PRMT3: variants seen among roughly 807,000 people sequenced by gnomAD.
The protein encoded by PRMT3 is protein arginine N-methyltransferase 3.
A neutral mutation model predicts 71.9 loss-of-function variants in PRMT3; 62 were observed. That is an observed-to-expected ratio of 0.86 (90% CI 0.70 to 1.07). The LOEUF (loss-of-function observed/expected upper bound fraction) is 1.07, where lower values mean the gene tolerates loss of function less well. PRMT3 is among the 50% of genes least tolerant of loss of function. The pLI is 0.00. For missense variants in PRMT3, 663 were observed against 643.0 expected (o/e 1.03, Z -0.34); for synonymous variants, 213 against 220.4 (o/e 0.97, Z 0.30).
intron 13 of PRMT3, among the ~76,000 whole-genome samples, chr11:20,486,815 G>A (rs737184): frequency 3.3e-5 from 5 of 152,164 alleles, no homozygotes; most frequent in East Asian, 1.9e-4. Context: ...CCAGCACTTC[G>A]GCAGGGCGAA....
chr11:20,490,745 A>G (rs1851186258), intron 13 of PRMT3, among the ~76,000 whole-genome samples: 1 of 152,202 alleles, frequency 6.6e-6, no homozygotes, highest in Non-Finnish European at 1.5e-5. Context: ...ATGAGTTTAA[A>G]ACAATTTTAA....
intron 9 of PRMT3, among the ~76,000 whole-genome samples, chr11:20,422,730 G>A (rs1849454916): frequency 6.6e-6 from 1 of 152,104 alleles, no homozygotes; most frequent in Non-Finnish European, 1.5e-5. Flanking sequence ...CTGCAAGAGA[G>A]TCCTGCACAC....
chr11:20,474,208 G>A (rs1850722747), intron 13 of PRMT3, among the ~76,000 whole-genome samples: 1 of 152,182 alleles, frequency 6.6e-6, no homozygotes, highest in Admixed American at 6.5e-5. Context: ...CTCCTTTTTG[G>A]TAGTGAAGCT....
intron 12 of PRMT3, 107 bp from the exon 13 acceptor site, chr11:20,464,353 T>C: frequency 7.1e-7 from 1 of 1,402,956 alleles, no homozygotes. Context: ...TAATCATTTG[T>C]GCATAAAAGA....
At chr11:20,442,930 C>T (rs1215326637) in intron 10 of PRMT3, among the ~76,000 whole-genome samples, 1 of 152,050 alleles carries the variant, frequency 6.6e-6, no homozygotes, top group Admixed American at 6.6e-5. Flanking sequence ...GGCATGATGG[C>T]TTATACCTGT....
At chr11:20,396,085 C>T (rs992883678) in intron 6 of PRMT3, 123 bp downstream of exon 6, 2 of 851,068 alleles carry the variant, frequency 2.3e-6, no homozygotes, top group Non-Finnish European at 3.5e-6. Flanking sequence ...ATTTTATCTT[C>T]ATACTGTTAA....
At chr11:20,502,124 C>T (rs995906374) in intron 15 of PRMT3, among the ~76,000 whole-genome samples, 3 of 152,282 alleles carry the variant, frequency 2.0e-5, no homozygotes, top group East Asian at 1.9e-4. Flanking sequence ...TACTAACAGC[C>T]GTCTGCTGAT....
At chr11:20,441,263 T>TTTTTTTTA (rs1286811672) in intron 10 of PRMT3, among the ~76,000 whole-genome samples, 1 of 138,126 alleles carries the variant, frequency 7.2e-6, no homozygotes, top group Non-Finnish European at 1.6e-5. Context: ...GTTACTAACT[T>TTTTTTTTA]TTTATTTATT....
chr11:20,432,230 C>G (rs1849669452), intron 10 of PRMT3, among the ~76,000 whole-genome samples: 1 of 152,024 alleles, frequency 6.6e-6, no homozygotes, highest in Non-Finnish European at 1.5e-5. Flanking sequence ...CAGGTAATCC[C>G]TCAGAGAACA....
intron 15 of PRMT3, among the ~76,000 whole-genome samples, chr11:20,500,614 G>C (rs1019079095): frequency 6.6e-6 from 1 of 152,096 alleles, no homozygotes; most frequent in African/African-American, 2.4e-5. Context: ...TTTACAAAGG[G>C]GCAGTGTTGA....
At chr11:20,392,038 T>C (rs1848726409) in intron 3 of PRMT3, among the ~76,000 whole-genome samples, 173 bp from the exon 4 acceptor site, 1 of 152,236 alleles carries the variant, frequency 6.6e-6, no homozygotes, top group South Asian at 2.1e-4. Flanking sequence ...TCTCAAGATA[T>C]TCAGAAGTAT....
chr11:20,471,297 A>G (rs1322845379), intron 13 of PRMT3, among the ~76,000 whole-genome samples: 4 of 152,096 alleles, frequency 2.6e-5, no homozygotes, highest in Non-Finnish European at 4.4e-5. Context: ...GCCCGTGCCT[A>G]TGTCCTTAGT....
chr11:20,469,040 T>C (rs1400525997), intron 13 of PRMT3, among the ~76,000 whole-genome samples: 1 of 152,246 alleles, frequency 6.6e-6, no homozygotes, highest in Non-Finnish European at 1.5e-5. Context: ...AATTTTTCAA[T>C]GAGTACTGGT....
intron 11 of PRMT3, among the ~76,000 whole-genome samples, chr11:20,459,547 C>G (rs891353030): frequency 6.6e-6 from 1 of 152,152 alleles, no homozygotes; most frequent in South Asian, 2.1e-4. Flanking sequence ...GCAGTAGTTT[C>G]AACAAAAGTC....
chr11:20,491,172 A>G (rs1212353401), intron 13 of PRMT3, among the ~76,000 whole-genome samples: 1 of 152,196 alleles, frequency 6.6e-6, no homozygotes, highest in Non-Finnish European at 1.5e-5. Flanking sequence ...TTTTCAATTG[A>G]AAATTTTTCA....
chr11:20,481,611 A>C (rs1422373498), intron 13 of PRMT3, among the ~76,000 whole-genome samples: 1 of 152,108 alleles, frequency 6.6e-6, no homozygotes, highest in Non-Finnish European at 1.5e-5. Context: ...AGATTTTCCA[A>C]GGTAATTTTG....
At chr11:20,498,439 C>CA (rs1436482158) in intron 15 of PRMT3, among the ~76,000 whole-genome samples, 1 of 152,078 alleles carries the variant, frequency 6.6e-6, no homozygotes, top group Non-Finnish European at 1.5e-5. Context: ...GAATATTCAT[C>CA]AAAAACTGGC....
intron 10 of PRMT3, among the ~76,000 whole-genome samples, chr11:20,441,932 A>G (rs1314666387): frequency 1.3e-5 from 2 of 151,418 alleles, no homozygotes; most frequent in Non-Finnish European, 2.9e-5. Flanking sequence ...AGCTGAGATT[A>G]CAAGTGCCTG....
intron 10 of PRMT3, among the ~76,000 whole-genome samples, chr11:20,449,561 T>C (rs1204921453): frequency 6.6e-6 from 1 of 152,158 alleles, no homozygotes; most frequent in Admixed American, 6.6e-5. Flanking sequence ...GATCGCAACT[T>C]ACTTAACATA....
Sources: gnomAD v4.1 joint callset for allele counts (sites outside exome capture counted in the v4.1 genomes callset) on GRCh38, gnomAD v4.1.1 for gene constraint, MANE v1.5 for transcripts, NCBI Gene and HGNC (gene_info 2026-07-23, HGNC 2026-07-21) for gene names.